Variants in KDM5B observed in about 807,000 individuals in gnomAD.
KDM5B encodes the protein lysine demethylase 5B.
A neutral mutation model predicts 193.4 loss-of-function variants in KDM5B; 144 were observed. The ratio of observed to expected loss-of-function variants is 0.74; its 90% confidence interval spans 0.65 to 0.86. The LOEUF (loss-of-function observed/expected upper bound fraction) is 0.86, where lower values mean the gene tolerates loss of function less well. KDM5B is among the 40% of genes least tolerant of loss of function. KDM5B has a pLI of 0.00. For synonymous variants in KDM5B, 668 were observed against 682.6 expected, an observed-to-expected ratio of 0.98 and a Z score of 0.33; for missense variants, 1,833 against 1,886.9, an observed-to-expected ratio of 0.97 and a Z score of 0.53.
intron 11 of KDM5B, among the ~76,000 whole-genome samples, 196 bp downstream of exon 11, chr1:202,755,075 A>C (rs1266915795): frequency 6.6e-6 from 1 of 152,210 alleles, no homozygotes; most frequent in Non-Finnish European, 1.5e-5. Flanking sequence ...ATTTCAGGGA[A>C]TTCATGGATG....
intron 14 of KDM5B, 32 bp from the exon 15 acceptor site, chr1:202,746,355 A>G: frequency 6.8e-7 from 1 of 1,471,558 alleles, no homozygotes; most frequent in Non-Finnish European, 9.3e-7. Context: ...AGAGACCTCC[A>G]AAGGATAATA....
At chr1:202,768,836 G>C (rs1656584390) in intron 4 of KDM5B, among the ~76,000 whole-genome samples, 1 of 150,182 alleles carries the variant, frequency 6.7e-6, no homozygotes, top group Non-Finnish European at 1.5e-5. Context: ...TCCTGCCTCA[G>C]CCTCCCAAGT....
At chr1:202,746,012 G>T (rs373075552) in intron 15 of KDM5B, 30 bp from the exon 16 acceptor site, 2 of 1,613,154 alleles carry the variant, frequency 1.2e-6, no homozygotes, top group Admixed American at 1.7e-5. Flanking sequence ...ACTTAGCTTT[G>T]AGACGTGTAG....
At chr1:202,792,824 T>A (rs1258779159) in intron 1 of KDM5B, among the ~76,000 whole-genome samples, 1 of 151,908 alleles carries the variant, frequency 6.6e-6, no homozygotes. Flanking sequence ...TGAAACCCCG[T>A]CTCTACTAAA....
chr1:202,746,496 G>C, intron 14 of KDM5B, 173 bp from the exon 15 acceptor site: 1 of 510,012 alleles, frequency 2.0e-6, no homozygotes, highest in Non-Finnish European at 3.4e-6. Flanking sequence ...GCAAATACAG[G>C]CAAGTTCATT....
At chr1:202,788,702 CT>C (rs1185316513) in intron 1 of KDM5B, among the ~76,000 whole-genome samples, 1 of 152,118 alleles carries the variant, frequency 6.6e-6, no homozygotes, top group Non-Finnish European at 1.5e-5. Context: ...ATCCTTCCCC[CT>C]ACATCAATTA....
Position 202,741,451 on chromosome 1 carries a change from A to C in KDM5B, c.2861T>G (p.Val954Gly). 1 of 1,612,586 alleles carries C rather than the reference A, an allele frequency of 6.2e-7. No homozygotes were observed. Among genetic ancestry groups the C allele is most frequent in the South Asian group, 1.1e-5 (1 of 91,002 alleles). The change falls in exon 19 of 27, where the codon GTG becomes GGG. Residue 954 changes from valine (V) to glycine (G), a missense_variant. Around this residue, in one of 3 missense-constraint regions of KDM5B, gnomAD observed 1,379 missense variants for 1,349.6 expected, o/e 1.02. Coordinates refer to ENST00000367265, the MANE Select transcript of KDM5B (RefSeq NM_006618.5). ...LGVGLAPYSAVEKAMARLQEL... is the reference protein window; with the variant it reads ...LGVGLAPYSAGEKAMARLQEL... Reference sequence around the variant, plus strand: ...CTGCAGCCGGGCCATAGCTTTCTCCACTGCTGAATACGGGGCCAGCCCTAC... The same window carrying C: ...CTGCAGCCGGGCCATAGCTTTCTCCCCTGCTGAATACGGGGCCAGCCCTAC...
intron 13 of KDM5B, 138 bp from the exon 14 acceptor site, chr1:202,749,277 C>T (rs1014759847): frequency 1.4e-6 from 1 of 731,810 alleles, no homozygotes; most frequent in Non-Finnish European, 2.1e-6. Flanking sequence ...TAAAACCAGA[C>T]TCTGGGCCAG....
chr1:202,773,359 G>T, intron 3 of KDM5B, 71 bp from the exon 4 acceptor site: 4 of 1,326,538 alleles, frequency 3.0e-6, no homozygotes, highest in East Asian at 2.3e-5. Flanking sequence ...ATGACTCCAA[G>T]GGGAAAATGT....
intron 1 of KDM5B, among the ~76,000 whole-genome samples, chr1:202,794,395 T>C (rs150281911): frequency 3.3e-5 from 5 of 152,334 alleles, no homozygotes; most frequent in Non-Finnish European, 7.3e-5. Flanking sequence ...CCCATAAGAA[T>C]ATGTGCTTAA....
At chr1:202,807,970 G>T in intron 1 of KDM5B, 132 bp downstream of exon 1, 1 of 878,642 alleles carries the variant, frequency 1.1e-6, no homozygotes, top group South Asian at 1.9e-5. Flanking sequence ...GACCTTCTAG[G>T]CAGCCCCAAA....
intron 9 of KDM5B, among the ~76,000 whole-genome samples, chr1:202,757,153 G>A (rs182174400): frequency 1.0e-3 from 153 of 152,230 alleles, no homozygotes; most frequent in Non-Finnish European, 1.9e-3. Context: ...TGCATAGGCA[G>A]TTCACAATAG....
chr1:202,764,273 T>G (rs1188275180), intron 5 of KDM5B, 128 bp from the exon 6 acceptor site: 2 of 530,392 alleles, frequency 3.8e-6, no homozygotes, highest in Admixed American at 4.1e-5. Flanking sequence ...AAAACATACT[T>G]CTCTCTCTTC....
chr1:202,732,041 G>GT, intron 23 of KDM5B, 102 bp from the exon 24 acceptor site: 1,409 of 547,108 alleles, frequency 2.6e-3, no homozygotes, highest in East Asian at 5.3e-3. Flanking sequence ...GGCAACCAGG[G>GT]GAAAAAAAAA....
At chr1:202,763,315 A>G (rs1202409834) in intron 6 of KDM5B, among the ~76,000 whole-genome samples, 1 of 152,216 alleles carries the variant, frequency 6.6e-6, no homozygotes, top group African/African-American at 2.4e-5. Context: ...CATTGTGCTC[A>G]ATGCTTTCCA....
At position 202,735,496 on chromosome 1, in the gene KDM5B, CTTTT is replaced by C; in HGVS notation, c.3352_3355del (p.Lys1118AlafsTer4). On this transcript the variant is annotated frameshift_variant, in exon 22 of 27. Coordinates refer to ENST00000367265, the MANE Select transcript of KDM5B (RefSeq NM_006618.5). LOFTEE classifies it high-confidence loss of function. ...GTCACTCAGACTCTCTAATTTGGTG[CTTTT>C]TTTCTTTCCATTTGGCAAGGGCTCC... 1 of 1,614,020 alleles carries C rather than the reference CTTTT, an allele frequency of 6.2e-7. No homozygotes were observed. Among genetic ancestry groups the C allele is most frequent in the Non-Finnish European group, 8.5e-7 (1 of 1,179,950 alleles).
intron 1 of KDM5B, chr1:202,796,293 C>T (rs1657843495): frequency 2.4e-6 from 1 of 416,586 alleles, no homozygotes; most frequent in Admixed American, 2.7e-5. Flanking sequence ...ATGGTCCCCG[C>T]TGTGCCACCT....
chr1:202,770,995 A>T (rs750915518), intron 4 of KDM5B, among the ~76,000 whole-genome samples: 1 of 152,226 alleles, frequency 6.6e-6, no homozygotes, highest in Non-Finnish European at 1.5e-5. Flanking sequence ...TTTTAACCAT[A>T]AAACTACATT....
rs148148173 is a variant in KDM5B at position 202,741,453 on chromosome 1, T to A, written c.2859A>T (p.Ala953=). 66 of 1,612,850 alleles carry A rather than the reference T, an allele frequency of 4.1e-5. No homozygotes were observed. In the African/African-American group the frequency reaches 8.5e-4, roughly 21 times the overall value. Residue 953 remains alanine (A), a synonymous_variant, in exon 19 of 27, where the codon GCA becomes GCT. Transcript: ENST00000367265. The stretch of plus-strand genomic sequence containing the variant: ...GCAGCCGGGCCATAGCTTTCTCCAC[T>A]GCTGAATACGGGGCCAGCCCTACCC... ...DLGVGLAPYS[A]VEKAMARLQE...
Sources: gnomAD v4.1 joint callset for allele counts (sites outside exome capture counted in the v4.1 genomes callset) on GRCh38, gnomAD v4.1.1 for gene constraint, gnomAD v4.1.1 regional missense constraint, MANE v1.5 for transcripts, NCBI Gene and HGNC (gene_info 2026-07-23, HGNC 2026-07-21) for gene names.